Variants in MICOS10 observed in about 807,000 individuals in gnomAD.
MICOS10 encodes MICOS complex subunit MIC10.
In MICOS10, 5 loss-of-function variants were observed where a neutral mutation model predicts 13.4. The observed-to-expected ratio is 0.37, with a 90% CI of 0.20 to 0.78. The LOEUF (loss-of-function observed/expected upper bound fraction) is 0.78, where lower values mean the gene tolerates loss of function less well. Ranked by LOEUF, MICOS10 falls within the 30% of genes least tolerant of loss-of-function variation. The probability of loss-of-function intolerance (pLI) is 0.47; values close to 1 mark genes in which losing one functional copy is unlikely to be tolerated. For missense variants in MICOS10, 101 were observed against 94.6 expected, an observed-to-expected ratio of 1.07 and a Z score of -0.28; for synonymous variants, 35 against 33.6, an observed-to-expected ratio of 1.04 and a Z score of -0.15.
rs945221944 is a variant in MICOS10, at chr1:19,627,823, G to A, written c.*1422G>A. 6.6e-6 allele frequency: 1 copy of A among 152,232 alleles called. No homozygotes were observed. The highest frequency in any genetic ancestry group is 6.5e-5 in the Admixed American group (1 of 15,280). 9.4% of individuals were successfully genotyped at this position (152,232 alleles called of 1,614,324 possible). ...GAACATTGATTAGACCTTAGTTCTT[G>A]CAAGTGCTATAGTGAGTACATTCAG... On this transcript the variant is annotated 3_prime_UTR_variant, in exon 4 of 4. Coordinates refer to ENST00000322753, the MANE Select transcript of MICOS10 (RefSeq NM_001032363.4).
chr1:19,614,080 A>G (rs2094874069), intron 1 of MICOS10, among the ~76,000 whole-genome samples: 1 of 151,972 alleles, frequency 6.6e-6, no homozygotes, highest in Non-Finnish European at 1.5e-5. Flanking sequence ...TATTTTATTT[A>G]TTTATTTATT....
At chr1:19,597,273 C>G (rs2094795554) in intron 1 of MICOS10, among the ~76,000 whole-genome samples, 164 bp downstream of exon 1, 1 of 152,222 alleles carries the variant, frequency 6.6e-6, no homozygotes, top group Non-Finnish European at 1.5e-5. Flanking sequence ...CGGGAGGTCA[C>G]TCGGGCGGCG....
chr1:19,629,658 A>T lies in MICOS10; in HGVS notation c.*3257A>T, dbSNP rs1422808208. On this transcript the variant is annotated 3_prime_UTR_variant, in exon 4 of 4. Transcript: ENST00000322753. ...AATGCAGGGGTTGGGAATGGAGGAG[A>T]TGACGATGTAGTTTTGCTTTTAGTT... is the stretch of plus-strand genomic sequence containing the variant. The T allele has an allele frequency of 1.3e-5, 2 of 152,214 alleles. No individual in the cohort carries two copies. Among genetic ancestry groups the T allele is most frequent in the African/African-American group, 4.8e-5 (2 of 41,450 alleles). 9.4% of individuals were successfully genotyped at this position (152,214 alleles called of 1,614,324 possible).
At position 19,597,072 on chromosome 1, in the gene MICOS10, G is replaced by C. The variant is rs745462572; in HGVS notation, c.27G>C (p.Lys9Asn). 1.3e-6 allele frequency: 2 copies of C among 1,597,182 alleles called. No individual in the cohort carries two copies. Among genetic ancestry groups the C allele is most frequent in the African/African-American group, 2.7e-5 (2 of 73,254 alleles). The change falls in exon 1 of 4, where the codon AAG (lysine) becomes AAC (asparagine). Residue 9 changes from lysine (K) to asparagine (N), a missense_variant. Coordinates refer to ENST00000322753, the MANE Select transcript of MICOS10 (RefSeq NM_001032363.4). MSESELGR[K>N]WDRCLADAVV... ...TGTCTGAGTCGGAGCTCGGCAGGAA[G>C]TGGGACCGGTGTCTGGCGGATGCGG... is the stretch of plus-strand genomic sequence containing the variant.
rs765589154 is a variant in MICOS10, at chr1:19,606,725, G to A, written c.64+9616G>A. 3.3e-5 allele frequency among the ~76,000 whole-genome samples: 5 copies of A among 150,492 alleles called. No individual in the cohort carries two copies. In the East Asian group the frequency reaches 5.8e-4, roughly 17 times the overall value. ...CAGGCCATTGCACTCCAACCTGGGC[G>A]ACAGAACAAGAAGGCTCTGTCTCCA... On this transcript the variant is annotated intron_variant, in intron 1 of 3. Transcript: ENST00000322753.
At chr1:19,618,249 G>A (rs1558345733) in intron 1 of MICOS10, among the ~76,000 whole-genome samples, 1 of 151,570 alleles carries the variant, frequency 6.6e-6, no homozygotes, top group African/African-American at 2.4e-5. Flanking sequence ...GGGAGCACAG[G>A]CATGCACCAT....
At position 19,627,661 on chromosome 1, in the gene MICOS10, G is replaced by C. The variant is rs1404749455; in HGVS notation, c.*1260G>C. ...CAGAAGGAGGGTAGCCTCTGTGTTT[G>C]CTCAGGATCATGTAATGCATATTAT... is the stretch of plus-strand genomic sequence containing the variant. On this transcript the variant is annotated 3_prime_UTR_variant, in exon 4 of 4. Transcript: ENST00000322753. 1 of 152,244 alleles carries C rather than the reference G, an allele frequency of 6.6e-6. No homozygotes were observed. Among genetic ancestry groups the C allele is most frequent in the Non-Finnish European group, 1.5e-5 (1 of 68,074 alleles). 9.4% of individuals were successfully genotyped at this position (152,244 alleles called of 1,614,324 possible). A position where few individuals can be genotyped will look rare whatever the true frequency, so the allele number is the denominator to read the frequency against.
Position 19,626,727 on chromosome 1 carries a change from C to T in MICOS10, c.*326C>T. Reference sequence around the variant, plus strand: ...AGCTGTAGCCACCTGCTCACAGCCTCTCTGAGAACCCCCTGAAACCAGTTG... The same window carrying T: ...AGCTGTAGCCACCTGCTCACAGCCTTTCTGAGAACCCCCTGAAACCAGTTG... On this transcript the variant is annotated 3_prime_UTR_variant, in exon 4 of 4. Coordinates refer to ENST00000322753, the MANE Select transcript of MICOS10 (RefSeq NM_001032363.4). 1 of 295,134 alleles carries T rather than the reference C, an allele frequency of 3.4e-6. No individual in the cohort carries two copies. The highest frequency in any genetic ancestry group is 2.1e-5 in the African/African-American group (1 of 47,240). 18.3% of individuals were successfully genotyped at this position (295,134 alleles called of 1,614,324 possible). A position where few individuals can be genotyped will look rare whatever the true frequency, so the allele number is the denominator to read the frequency against.
At chr1:19,612,172 A>G (rs2100288117) in intron 1 of MICOS10, among the ~76,000 whole-genome samples, 1 of 149,120 alleles carries the variant, frequency 6.7e-6, no homozygotes, top group African/African-American at 2.5e-5. Context: ...CCTCCCAAGT[A>G]ATTGGGACTA....
intron 1 of MICOS10, among the ~76,000 whole-genome samples, chr1:19,610,236 A>C (rs983679499): frequency 7.9e-5 from 12 of 152,106 alleles, no homozygotes; most frequent in Non-Finnish European, 1.5e-4. Context: ...AATGCTCTTT[A>C]GATAGACAGT....
At chr1:19,609,288 A>G (rs1422532451) in intron 1 of MICOS10, among the ~76,000 whole-genome samples, 1 of 152,220 alleles carries the variant, frequency 6.6e-6, no homozygotes. Flanking sequence ...AATTAAAATC[A>G]TGAGATATAC....
At chr1:19,605,745 A>T (rs1163124297) in intron 1 of MICOS10, among the ~76,000 whole-genome samples, 1 of 152,082 alleles carries the variant, frequency 6.6e-6, no homozygotes, top group Non-Finnish European at 1.5e-5. Context: ...TTGTTTTGAG[A>T]TGGGGTCTGT....
intron 1 of MICOS10, among the ~76,000 whole-genome samples, chr1:19,612,872 A>G (rs771607235): frequency 2.0e-5 from 3 of 152,208 alleles, no homozygotes; most frequent in Non-Finnish European, 4.4e-5. Flanking sequence ...TCCTAAATGC[A>G]GAAACATGGG....
chr1:19,619,860 C>T (rs1182313171), intron 1 of MICOS10, among the ~76,000 whole-genome samples: 3 of 152,328 alleles, frequency 2.0e-5, no homozygotes, highest in Admixed American at 1.3e-4. Flanking sequence ...AATGTTAATT[C>T]CATAAGGCTC....
intron 3 of MICOS10, 34 bp downstream of exon 3, chr1:19,623,617 G>A: frequency 1.4e-6 from 2 of 1,456,922 alleles, no homozygotes; most frequent in African/African-American, 1.4e-5. Context: ...CTTTCCTTCA[G>A]AAGAAAAAGA....
intron 1 of MICOS10, among the ~76,000 whole-genome samples, chr1:19,610,863 G>A (rs2094857919): frequency 6.6e-6 from 1 of 152,114 alleles, no homozygotes; most frequent in Admixed American, 6.6e-5. Flanking sequence ...TACTAGGAAG[G>A]TAGTCTTAAG....
At position 19,626,635 on chromosome 1, in the gene MICOS10, T is replaced by G; in HGVS notation, c.*234T>G. 2 of 515,416 alleles carry G rather than the reference T, an allele frequency of 3.9e-6. No individual in the cohort carries two copies. Among genetic ancestry groups the G allele is most frequent in the Non-Finnish European group, 7.0e-6 (2 of 284,108 alleles). The allele number at this position is 515,416 out of a possible 1,614,324, so 31.9% of individuals were successfully genotyped here. On this transcript the variant is annotated 3_prime_UTR_variant, in exon 4 of 4. Coordinates refer to ENST00000322753, the MANE Select transcript of MICOS10 (RefSeq NM_001032363.4). The stretch of plus-strand genomic sequence containing the variant: ...AAATTAAACAAAAAGAGGAAGTCCA[T>G]TGCATGGCCTTTGTTTCTTCACCTT...
chr1:19,602,107 G>A (rs2094817477), intron 1 of MICOS10, among the ~76,000 whole-genome samples: 1 of 152,046 alleles, frequency 6.6e-6, no homozygotes. Context: ...TTACTTGATT[G>A]TTTCTTCTCC....
intron 2 of MICOS10, among the ~76,000 whole-genome samples, chr1:19,622,791 T>C (rs1294502268): frequency 3.3e-5 from 5 of 152,180 alleles, no homozygotes; most frequent in African/African-American, 9.7e-5. Flanking sequence ...CATGTAAATA[T>C]CGGTAAAATG....
Sources: allele counts gnomAD v4.1 joint callset (sites outside exome capture counted in the v4.1 genomes callset), GRCh38; gene constraint gnomAD v4.1.1; transcripts MANE v1.5; gene names NCBI Gene and HGNC (gene_info 2026-07-23, HGNC 2026-07-21).